The following SP3 variants were observed in gnomAD, a reference collection of about 807,000 sequenced individuals.
SP3 encodes transcription factor Sp3.
Under a neutral mutation model 70.3 loss-of-function variants are expected in SP3, and 10 were observed. The ratio of observed to expected loss-of-function variants is 0.14; its 90% CI spans 0.09 to 0.24. The LOEUF is 0.24. Among genes scored for constraint, SP3 ranks in the 10% least tolerant of loss-of-function variants. The probability of loss-of-function intolerance (pLI) is 1.00; values close to 1 mark genes in which losing one functional copy is unlikely to be tolerated. For missense variants in SP3, 825 were observed against 914.6 expected (o/e 0.90, Z 1.26); for synonymous variants, 402 against 333.5 (o/e 1.21, Z -2.24).
Position 173,909,681 on chromosome 2 carries a change from C to T in SP3, c.*260G>A. 3.3e-6 allele frequency: 1 copy of T among 304,898 alleles called. No homozygotes were observed. 18.9% of individuals were successfully genotyped at this position (304,898 alleles called of 1,614,324 possible). Reference sequence around the variant, plus strand: ...AGACTACCATTCGCATTGTTAAATTCAATTTTCTCTTTATATAACTTGGTA... The same window carrying T: ...AGACTACCATTCGCATTGTTAAATTTAATTTTCTCTTTATATAACTTGGTA... On this transcript the variant is annotated 3_prime_UTR_variant, in exon 7 of 7. Coordinates refer to ENST00000310015, the MANE Select transcript of SP3 (RefSeq NM_003111.5).
Position 173,942,339 on chromosome 2 carries a change from G to A in SP3, c.1639+12534C>T, listed in dbSNP as rs1193990389. On this transcript the variant is annotated intron_variant, in intron 4 of 6. Transcript: ENST00000310015. Reference sequence around the variant, plus strand: ...CCAGCACTTTGGGAGGCCGAGGCAGGTGGATCACTTGAGGTCAGAAGTTCA... The same window carrying A: ...CCAGCACTTTGGGAGGCCGAGGCAGATGGATCACTTGAGGTCAGAAGTTCA... 2.6e-5 allele frequency among the ~76,000 whole-genome samples: 4 copies of A among 152,198 alleles called. No individual in the cohort carries two copies. The East Asian group carries it at 7.7e-4, about 29-fold the overall frequency.
chr2:173,933,404 G>A lies in SP3; in HGVS notation c.1640-14619C>T, dbSNP rs987843098. Among the ~76,000 whole-genome samples the A allele has an allele frequency of 2.0e-5, 3 of 152,008 alleles. No homozygotes were observed. The East Asian group carries it at 5.8e-4, about 29-fold the overall frequency. Reference sequence around the variant, plus strand: ...CAGAGCAGGGCAAAATTAAGTTGCAGTAACAACCCCTCAAATCACAGTGGC... The same window carrying A: ...CAGAGCAGGGCAAAATTAAGTTGCAATAACAACCCCTCAAATCACAGTGGC... On this transcript the variant is annotated intron_variant, in intron 4 of 6. Coordinates refer to ENST00000310015, the MANE Select transcript of SP3 (RefSeq NM_003111.5).
Position 173,917,761 on chromosome 2 carries a change from G to A in SP3, c.1832+832C>T, listed in dbSNP as rs927033782. Among the ~76,000 whole-genome samples the A allele has an allele frequency of 2.0e-5, 3 of 151,880 alleles. No homozygotes were observed. In the South Asian group the frequency reaches 6.2e-4, roughly 32 times the overall value. ...TTCAAAGCTGCACAAAAAAGGGACCGTGACTATTAAATCTTCTTGGTGGAA... is the reference window on the plus strand; with the variant it reads ...TTCAAAGCTGCACAAAAAAGGGACCATGACTATTAAATCTTCTTGGTGGAA... On this transcript the variant is annotated intron_variant, in intron 5 of 6. Coordinates refer to ENST00000310015, the MANE Select transcript of SP3 (RefSeq NM_003111.5).
Position 173,955,669 on chromosome 2 carries a change from G to A in SP3, c.843C>T (p.Gly281=), listed in dbSNP as rs1342744002. ...TGCCTGCAGTCATTGTCTGAGAACT[G>A]CCCGAGAGTCCCAAAGAATCTAGAT... The part of the protein sequence containing the change: ...SVDLDSLGLS[G]SSQTMTAGIN... The change falls in exon 4 of 7, where the codon GGC becomes GGT. Residue 281 remains glycine, a synonymous_variant. Coordinates refer to ENST00000310015, the MANE Select transcript of SP3 (RefSeq NM_003111.5). 4.3e-6 allele frequency: 7 copies of A among 1,614,054 alleles called. No individual in the cohort carries two copies. The African/African-American group carries it at 6.7e-5, about 15-fold the overall frequency.
At chr2:173,925,763 C>T (rs1442167337) in intron 4 of SP3, among the ~76,000 whole-genome samples, 2 of 152,080 alleles carry the variant, frequency 1.3e-5, no homozygotes, top group African/African-American at 2.4e-5. Flanking sequence ...TCTGCCTTGT[C>T]CCCATAAGCT....
chr2:173,945,200 C>T lies in SP3; in HGVS notation c.1639+9673G>A, dbSNP rs1273046932. Among the ~76,000 whole-genome samples the T allele has an allele frequency of 2.0e-5, 3 of 152,150 alleles. No homozygotes were observed. In the East Asian group the frequency reaches 5.8e-4, roughly 29 times the overall value. On this transcript the variant is annotated intron_variant, in intron 4 of 6. Coordinates refer to ENST00000310015, the MANE Select transcript of SP3 (RefSeq NM_003111.5). Reference sequence around the variant, plus strand: ...TAAGAAACCAAAGTGTGACCAAAACCATATATTTAAAATTACTTTATTTTA... The same window carrying T: ...TAAGAAACCAAAGTGTGACCAAAACTATATATTTAAAATTACTTTATTTTA...
In SP3 at chr2:173,900,845, T is replaced by C. The variant is rs539897553; in HGVS notation, c.*9096A>G. 6.6e-6 allele frequency among the ~76,000 whole-genome samples: 1 copy of C among 152,344 alleles called. No individual in the cohort carries two copies. The highest frequency in any genetic ancestry group is 1.9e-4 in the East Asian group (1 of 5,194). On this transcript the variant is annotated 3_prime_UTR_variant, in exon 7 of 7. Transcript: ENST00000310015. ...GAATTAATGGAGAGATACAGAATTA[T>C]CATGGATAGAAAGATAACATTCTTT... is the stretch of plus-strand genomic sequence containing the variant.
At position 173,904,724 on chromosome 2, in the gene SP3, C is replaced by G. The variant is rs1038953806; in HGVS notation, c.*5217G>C. ...TGTCTGATTTCTGAACAGCTCCTCACGGAAGGTGGCAGAAAGTAATGCTCA... is the reference window on the plus strand; with the variant it reads ...TGTCTGATTTCTGAACAGCTCCTCAGGGAAGGTGGCAGAAAGTAATGCTCA... On this transcript the variant is annotated 3_prime_UTR_variant, in exon 7 of 7. Transcript: ENST00000310015. Among the ~76,000 whole-genome samples the G allele has an allele frequency of 6.6e-6, 1 of 152,178 alleles. No homozygotes were observed. The highest frequency in any genetic ancestry group is 2.4e-5 in the African/African-American group (1 of 41,442).
At chr2:173,953,536 G>A (rs1690781373) in intron 4 of SP3, among the ~76,000 whole-genome samples, 1 of 152,140 alleles carries the variant, frequency 6.6e-6, no homozygotes, top group African/African-American at 2.4e-5. Context: ...TTGAGGTCAG[G>A]AGTTTGTGAC....
At chr2:173,935,338 C>A (rs1330580366) in intron 4 of SP3, among the ~76,000 whole-genome samples, 1 of 152,120 alleles carries the variant, frequency 6.6e-6, no homozygotes, top group Non-Finnish European at 1.5e-5. Context: ...CTAGAACTAT[C>A]TAGAACTGAC....
At chr2:173,938,097 T>G (rs1690259222) in intron 4 of SP3, among the ~76,000 whole-genome samples, 1 of 152,304 alleles carries the variant, frequency 6.6e-6, no homozygotes, top group East Asian at 1.9e-4. Context: ...TGAAACATAA[T>G]TCTTAATGTC....
At chr2:173,922,319 A>G (rs1689779129) in intron 4 of SP3, among the ~76,000 whole-genome samples, 1 of 151,712 alleles carries the variant, frequency 6.6e-6, no homozygotes, top group Non-Finnish European at 1.5e-5. Flanking sequence ...CTGAGCAACT[A>G]GAAAGATGGA....
At chr2:173,950,578 C>T (rs1238666677) in intron 4 of SP3, among the ~76,000 whole-genome samples, 2 of 151,592 alleles carry the variant, frequency 1.3e-5, no homozygotes, top group Admixed American at 6.6e-5. Context: ...ATTCAGGAGG[C>T]TCAGGCCAGG....
chr2:173,962,973 T>G (rs1691133886), intron 3 of SP3: 3 of 152,236 alleles, frequency 2.0e-5, no homozygotes. Flanking sequence ...ATATCTTACC[T>G]GACTAGCAGT....
At chr2:173,945,786 A>C (rs1690519150) in intron 4 of SP3, among the ~76,000 whole-genome samples, 1 of 152,166 alleles carries the variant, frequency 6.6e-6, no homozygotes, top group East Asian at 1.9e-4. Context: ...GAACCACTCC[A>C]TTAGTATTTT....
At chr2:173,964,710 C>T in intron 1 of SP3, 157 bp from the exon 2 acceptor site, 1 of 347,892 alleles carries the variant, frequency 2.9e-6, no homozygotes, top group East Asian at 4.0e-5. Flanking sequence ...CGGCGGCTCC[C>T]TCCTCCCCTC....
At position 173,964,307 on chromosome 2, in the gene SP3, A is replaced by ACGAGGAGGGAGGGGTGAGG. The variant is rs1173294317; in HGVS notation, c.156+79_156+97dup. 4,614 of 547,826 alleles carry ACGAGGAGGGAGGGGTGAGG rather than the reference A, an allele frequency of 8.4e-3. 37 individuals are homozygous for ACGAGGAGGGAGGGGTGAGG. Among genetic ancestry groups the ACGAGGAGGGAGGGGTGAGG allele is most frequent in the Non-Finnish European group, 9.2e-3 (2,851 of 309,680 alleles). The allele number at this position is 547,826 out of a possible 1,614,324, so 33.9% of individuals were successfully genotyped here. A position where few individuals can be genotyped will look rare whatever the true frequency, so the allele number is the denominator to read the frequency against. On this transcript the variant is annotated intron_variant, in intron 2 of 6. Transcript: ENST00000310015. ...GAGGGGAGTGGAGGGGAGGGGAGAG[A>ACGAGGAGGGAGGGGTGAGG]CGAGGAGGGAGGGGTGAGGCGAGGA...
intron 4 of SP3, among the ~76,000 whole-genome samples, chr2:173,934,486 CAT>C (rs1019571738): frequency 1.1e-4 from 16 of 152,068 alleles, no homozygotes; most frequent in South Asian, 8.3e-4. Context: ...AAATAAATGA[CAT>C]AATGTTAATC....
At chr2:173,963,008 T>C (rs939611117) in intron 3 of SP3, 1 of 152,236 alleles carries the variant, frequency 6.6e-6, no homozygotes, top group African/African-American at 2.4e-5. Context: ...AACATACTTT[T>C]GCCAACCAAA....
Sources: allele counts gnomAD v4.1 joint callset (sites outside exome capture counted in the v4.1 genomes callset), GRCh38; gene constraint gnomAD v4.1.1; transcripts MANE v1.5; gene names NCBI Gene and HGNC (gene_info 2026-07-23, HGNC 2026-07-21).